The following POLA2 variants were observed in gnomAD, a reference collection of about 807,000 sequenced individuals.
The protein encoded by POLA2 is DNA polymerase alpha subunit B.
In POLA2, 47 loss-of-function variants were observed where a neutral mutation model predicts 82.8. That is an observed-to-expected ratio of 0.57 (90% CI 0.45 to 0.72). The LOEUF (loss-of-function observed/expected upper bound fraction) is 0.72. Among genes scored for constraint, POLA2 ranks in the 30% least tolerant of loss-of-function variants. The pLI is 0.00. For synonymous variants in POLA2, 287 were observed against 286.8 expected (o/e 1.00, Z -0.01); for missense variants, 634 against 728.1 (o/e 0.87, Z 1.49).
chr11:65,277,548 T>C (rs1474692602), intron 5 of POLA2, among the ~76,000 whole-genome samples: 6 of 152,244 alleles, frequency 3.9e-5, no homozygotes, highest in Admixed American at 3.9e-4. Context: ...CTCAGGCTTT[T>C]TGGAAGAAAG....
chr11:65,305,712 T>C, downstream of POLA2: 1 of 238,308 alleles, frequency 4.2e-6, no homozygotes, highest in South Asian at 4.4e-5. Context: ...CCACTGCATG[T>C]ATCTTTTGCC....
At chr11:65,303,635 G>C (rs548874352), downstream of POLA2, among the ~76,000 whole-genome samples, 1 of 152,260 alleles carries the variant, frequency 6.6e-6, no homozygotes, top group South Asian at 2.1e-4. Flanking sequence ...CCACCTCCTT[G>C]GGAGGCAGGC....
Position 65,287,776 on chromosome 11 carries a change from C to G in POLA2, c.1067C>G (p.Thr356Arg), listed in dbSNP as rs778576333. Residue 356 changes from threonine (T) to arginine (R), a missense_variant, in exon 11 of 18, where the codon ACG becomes AGG. Thr to Arg is a moderately conservative substitution (Grantham distance 71). Transcript: ENST00000265465. The stretch of plus-strand genomic sequence containing the variant: ...CCATACACCACATCTGACAGCATCA[C>G]GTATGACCCCCTGCTTGACCTGATT... Reference protein sequence around the residue: ...CGPYTTSDSITYDPLLDLIAV... With the variant: ...CGPYTTSDSIRYDPLLDLIAV... 1 of 1,613,630 alleles carries G rather than the reference C, an allele frequency of 6.2e-7. No homozygotes were observed. The highest frequency in any genetic ancestry group is 1.3e-5 in the African/African-American group (1 of 74,872).
Position 65,282,485 on chromosome 11 carries a change from C to G in POLA2, c.970C>G (p.Pro324Ala). Residue 324 changes from proline to alanine, a missense_variant, in exon 10 of 18, where the codon CCA becomes GCA. Pro to Ala is a conservative substitution (Grantham distance 27). Transcript: ENST00000265465. ...GCTTTTCCCCTGTTTTTAGGGTGTG[C>G]CACTTCCATTTTATCAGCCCACTGA... is the stretch of plus-strand genomic sequence containing the variant. The part of the protein sequence containing the change: ...LVATKLYEGV[P>A]LPFYQPTEED... 1 of 1,613,652 alleles carries G rather than the reference C, an allele frequency of 6.2e-7. No individual in the cohort carries two copies. Among genetic ancestry groups the G allele is most frequent in the South Asian group, 1.1e-5 (1 of 91,068 alleles).
At chr11:65,281,169 C>G in intron 8 of POLA2, 22 bp downstream of exon 8, 1 of 1,611,950 alleles carries the variant, frequency 6.2e-7, no homozygotes, top group Non-Finnish European at 8.5e-7. Flanking sequence ...GGAGTTCCAC[C>G]AGAATGCAGG....
intron 11 of POLA2, among the ~76,000 whole-genome samples, chr11:65,288,513 T>G (rs77276413): frequency 4.3e-5 from 1 of 23,108 alleles, no homozygotes; most frequent in African/African-American, 6.5e-5. Context: ...TTGTTTTTTG[T>G]TTTTTTTTTT....
At chr11:65,293,321 G>A (rs1020649980) in intron 13 of POLA2, among the ~76,000 whole-genome samples, 6 of 152,036 alleles carry the variant, frequency 3.9e-5, no homozygotes, top group South Asian at 2.1e-4. Context: ...TTCTAAATAC[G>A]AAGCCAGGCC....
At chr11:65,285,238 C>A (rs1949683772) in intron 10 of POLA2, among the ~76,000 whole-genome samples, 1 of 152,016 alleles carries the variant, frequency 6.6e-6, no homozygotes, top group South Asian at 2.1e-4. Context: ...ACCCCATCTC[C>A]ACTAAAAAAT....
chr11:65,277,364 G>T (rs1301337741), intron 5 of POLA2, among the ~76,000 whole-genome samples: 1 of 152,022 alleles, frequency 6.6e-6, no homozygotes, highest in Non-Finnish European at 1.5e-5. Context: ...TTTTTGTAGA[G>T]ATGGGGTTTT....
At position 65,268,714 on chromosome 11, in the gene POLA2, C is replaced by A; in HGVS notation, c.339C>A (p.Tyr113Ter). 1 of 1,589,174 alleles carries A rather than the reference C, an allele frequency of 6.3e-7. No homozygotes were observed. Among genetic ancestry groups the A allele is most frequent in the Non-Finnish European group, 8.6e-7 (1 of 1,167,778 alleles). Reference sequence around the variant, plus strand: ...AAGAGGAAATCCTCTTGAACTCTTACACCACACCTTCAAAGGTAAGTAAAC... The same window carrying A: ...AAGAGGAAATCCTCTTGAACTCTTAAACCACACCTTCAAAGGTAAGTAAAC... Reference protein sequence around the residue: ...EEEEEILLNSYTTPSKGSQKR... With the variant: ...EEEEEILLNS Residue 113 changes from tyrosine (Y) to a stop codon, truncating the protein, a stop_gained, in exon 4 of 18, where the codon TAC becomes TAA. Coordinates refer to ENST00000265465, the MANE Select transcript of POLA2 (RefSeq NM_002689.4). LOFTEE classifies it high-confidence loss of function.
At chr11:65,270,095 T>G (rs773868261) in intron 4 of POLA2, among the ~76,000 whole-genome samples, 2 of 152,260 alleles carry the variant, frequency 1.3e-5, no homozygotes, top group Non-Finnish European at 2.9e-5. Flanking sequence ...GCCTCCAAAG[T>G]GCTGGGATTA....
intron 14 of POLA2, 27 bp downstream of exon 14, chr11:65,294,288 A>G: frequency 6.4e-7 from 1 of 1,567,114 alleles, no homozygotes; most frequent in Non-Finnish European, 8.8e-7. Context: ...CTTGACCAGC[A>G]GGCAGCCAGA....
chr11:65,268,620 G>A (rs1949488566), intron 3 of POLA2, 52 bp from the exon 4 acceptor site: 9 of 1,178,326 alleles, frequency 7.6e-6, no homozygotes, highest in African/African-American at 1.5e-5. Flanking sequence ...GGGATTACAG[G>A]CATGAGCTAC....
At chr11:65,278,640 C>A in intron 5 of POLA2, 90 bp from the exon 6 acceptor site, 1 of 1,070,318 alleles carries the variant, frequency 9.3e-7, no homozygotes, top group Non-Finnish European at 1.4e-6. Context: ...TCCTTTTCTC[C>A]AGTCCCCATT....
chr11:65,270,336 A>T (rs1949509396), intron 4 of POLA2, among the ~76,000 whole-genome samples: 1 of 152,206 alleles, frequency 6.6e-6, no homozygotes, highest in African/African-American at 2.4e-5. Flanking sequence ...AGCCTGGATG[A>T]CAAAGTGAGA....
intron 14 of POLA2, 106 bp downstream of exon 14, chr11:65,294,367 G>A (rs760187984): frequency 2.3e-5 from 24 of 1,024,236 alleles, no homozygotes; most frequent in African/African-American, 6.4e-5. Context: ...TAGGGTGTGC[G>A]TACAGCCTGA....
chr11:65,264,565 C>T (rs1214958045), intron 1 of POLA2, among the ~76,000 whole-genome samples: 1 of 152,098 alleles, frequency 6.6e-6, no homozygotes, highest in African/African-American at 2.4e-5. Context: ...TCTGTCCCAC[C>T]CTCACTCTCA....
At chr11:65,271,654 G>A (rs1949522184) in intron 4 of POLA2, among the ~76,000 whole-genome samples, 1 of 151,882 alleles carries the variant, frequency 6.6e-6, no homozygotes, top group South Asian at 2.1e-4. Flanking sequence ...GAGGTCAGGA[G>A]TTCGAGACCA....
At chr11:65,301,834 A>C (rs2137619910), downstream of POLA2, among the ~76,000 whole-genome samples, 1 of 152,292 alleles carries the variant, frequency 6.6e-6, no homozygotes, top group South Asian at 2.1e-4. Context: ...ACCTTCTGTC[A>C]CCGTCATTGG....
Sources: gnomAD v4.1 joint callset for allele counts (sites outside exome capture counted in the v4.1 genomes callset) on GRCh38, gnomAD v4.1.1 for gene constraint, MANE v1.5 for transcripts, NCBI Gene and HGNC (gene_info 2026-07-23, HGNC 2026-07-21) for gene names.